The following TCF20 variants were observed in gnomAD, a reference collection of about 807,000 sequenced individuals.
The protein encoded by TCF20 is transcription factor 20.
In TCF20, 3 loss-of-function variants were observed where a neutral mutation model predicts 148.6. The observed-to-expected ratio is 0.02, with a 90% CI of 0.01 to 0.05. The LOEUF (loss-of-function observed/expected upper bound fraction) is 0.05, where lower values mean the gene tolerates loss of function less well. TCF20 is among the 10% of genes least tolerant of loss of function. The probability of loss-of-function intolerance (pLI) is 1.00; values close to 1 mark genes in which losing one functional copy is unlikely to be tolerated. For synonymous variants in TCF20, 1,049 were observed against 909.5 expected (o/e 1.15, Z -2.76); for missense variants, 2,350 against 2,429.3 (o/e 0.97, Z 0.69).
At chr22:42,169,342 G>T (rs1935981543) in intron 4 of TCF20, among the ~76,000 whole-genome samples, 1 of 151,928 alleles carries the variant, frequency 6.6e-6, no homozygotes, top group Non-Finnish European at 1.5e-5. Context: ...AAATAAACTG[G>T]GAAGTGGAGC....
chr22:42,184,984 C>T (rs1396181423), intron 2 of TCF20, among the ~76,000 whole-genome samples: 1 of 152,210 alleles, frequency 6.6e-6, no homozygotes, highest in Admixed American at 6.5e-5. Context: ...ACTGCAAGGA[C>T]TGAGTCAACT....
intron 2 of TCF20, among the ~76,000 whole-genome samples, chr22:42,193,268 C>G (rs549611146): frequency 2.7e-5 from 4 of 150,682 alleles, no homozygotes; most frequent in Non-Finnish European, 5.9e-5. Context: ...CTCAATACAT[C>G]TCCTCCTCCT....
chr22:42,164,459 G>C (rs1335195860), intron 5 of TCF20, among the ~76,000 whole-genome samples: 2 of 151,986 alleles, frequency 1.3e-5, no homozygotes, highest in Non-Finnish European at 2.9e-5. Flanking sequence ...TCGATCTCCT[G>C]ACCTCGTGAT....
At chr22:42,288,910 C>T (rs561994460), upstream of TCF20, among the ~76,000 whole-genome samples, 3 of 152,222 alleles carry the variant, frequency 2.0e-5, no homozygotes, top group Admixed American at 2.0e-4. Flanking sequence ...GACCACACTC[C>T]TCCCTCCACA....
rs908692241 is a variant in TCF20, at chr22:42,299,179, G to A, written c.-37+44300C>T. Among the ~76,000 whole-genome samples, 4 of 152,214 alleles carry A rather than the reference G, an allele frequency of 2.6e-5. No homozygotes were observed. Among genetic ancestry groups the A allele is most frequent in the Admixed American group, 1.3e-4 (2 of 15,292 alleles). On this transcript the variant is annotated intron_variant, in intron 1 of 1. Transcript: ENST00000515426. The surrounding 1 kb of genome is among the most constrained non-coding windows in gnomAD (Gnocchi z 4.1). ...GGCTTCTCTGGCCTTTAGAAGGCAC[G>A]GGAGGATGGGGGCAAGGGGGCGGTA...
At chr22:42,272,024 G>C (rs751660695), upstream of TCF20, among the ~76,000 whole-genome samples, 1 of 152,196 alleles carries the variant, frequency 6.6e-6, no homozygotes, top group Non-Finnish European at 1.5e-5. Context: ...TGTACTTGGG[G>C]AAGGCAGTGA....
chr22:42,174,520 C>T (rs1936320368), intron 3 of TCF20, among the ~76,000 whole-genome samples: 1 of 152,120 alleles, frequency 6.6e-6, no homozygotes, highest in African/African-American at 2.4e-5. Context: ...TACCCAGCTG[C>T]GAACTGGGAG....
intron 1 of TCF20, among the ~76,000 whole-genome samples, chr22:42,301,516 G>A (rs1262289654): frequency 6.6e-6 from 1 of 152,212 alleles, no homozygotes. Flanking sequence ...CAGCCAAGGA[G>A]GTGGCATGCA....
chr22:42,245,325 C>A (rs1924815300), intron 1 of TCF20, among the ~76,000 whole-genome samples: 2 of 152,076 alleles, frequency 1.3e-5, no homozygotes, highest in African/African-American at 4.8e-5. Flanking sequence ...TTCAAGTGAT[C>A]CTCCCACCTA....
intron 1 of TCF20, among the ~76,000 whole-genome samples, chr22:42,267,532 C>A (rs1926352467): frequency 6.6e-6 from 1 of 151,698 alleles, no homozygotes; most frequent in Admixed American, 6.6e-5. Context: ...GAAATCCCAT[C>A]TCTACTAAAA....
At chr22:42,173,280 T>C (rs1936243055) in intron 3 of TCF20, among the ~76,000 whole-genome samples, 1 of 149,152 alleles carries the variant, frequency 6.7e-6, no homozygotes, top group South Asian at 2.1e-4. Context: ...CTCTTATTAC[T>C]GTAACCCCCC....
intron 1 of TCF20, among the ~76,000 whole-genome samples, chr22:42,237,824 A>C (rs1201189752): frequency 6.6e-6 from 1 of 152,230 alleles, no homozygotes; most frequent in Non-Finnish European, 1.5e-5. Context: ...TTTGAGTAGT[A>C]GGTCTCAACA....
chr22:42,264,921 C>A (rs1008050194), intron 1 of TCF20, among the ~76,000 whole-genome samples: 1 of 152,242 alleles, frequency 6.6e-6, no homozygotes, highest in Admixed American at 6.5e-5. Flanking sequence ...AAACCATCTT[C>A]CAATCATACT....
intron 2 of TCF20, among the ~76,000 whole-genome samples, chr22:42,193,910 TATA>T (rs552692025): frequency 1.1e-3 from 168 of 152,278 alleles, no homozygotes; most frequent in African/African-American, 3.8e-3. Flanking sequence ...GTGGTGGTCG[TATA>T]ATAAAAGGTG....
chr22:42,320,048 C>T (rs978156799), intron 1 of TCF20, among the ~76,000 whole-genome samples: 6 of 152,194 alleles, frequency 3.9e-5, no homozygotes, highest in Admixed American at 2.0e-4. Context: ...ACTGCCATCT[C>T]GGTTCAGGAG....
At chr22:42,218,988 A>T (rs1922077559) in intron 1 of TCF20, among the ~76,000 whole-genome samples, 3 of 152,182 alleles carry the variant, frequency 2.0e-5, no homozygotes, top group Non-Finnish European at 4.4e-5. Flanking sequence ...GAGTAGGAGA[A>T]GGTGGTTGCC....
chr22:42,306,192 A>G (rs1483067305), intron 1 of TCF20, among the ~76,000 whole-genome samples: 1 of 152,260 alleles, frequency 6.6e-6, no homozygotes, highest in African/African-American at 2.4e-5. Flanking sequence ...CGCCGCTGCC[A>G]GCTCCCCGCC....
Position 42,212,146 on chromosome 22 carries a change from G to A in TCF20, c.3160C>T (p.Pro1054Ser), listed in dbSNP as rs936560546. The A allele has an allele frequency of 6.2e-7, 1 of 1,614,208 alleles. No homozygotes were observed. Among genetic ancestry groups the A allele is most frequent in the East Asian group, 2.2e-5 (1 of 44,884 alleles). Residue 1054 changes from proline to serine, a missense_variant, in exon 2 of 6, where the codon CCC becomes TCC. Around this residue, in one of 7 missense-constraint regions of TCF20, gnomAD observed 1,641 missense variants for 1,662.6 expected, o/e 0.99. Transcript: ENST00000677622. The part of the protein sequence containing the change: ...NRSSLHTPFS[P>S]NSETLASAYH... Reference sequence around the variant, plus strand: ...GCAGAGGCCAGGGTTTCTGAGTTGGGAGAAAAGGGAGTGTGTAAAGAACTC... The same window carrying A: ...GCAGAGGCCAGGGTTTCTGAGTTGGAAGAAAAGGGAGTGTGTAAAGAACTC...
rs776950914 is a variant in TCF20 at position 42,210,557 on chromosome 22, C to T, written c.4749G>A (p.Arg1583=). ...GGGCCCCAGGCTTCCTTCTCTCCCTCCTTTGCCTCTGTTTTTTTGGCTTTG... is the reference window on the plus strand; with the variant it reads ...GGGCCCCAGGCTTCCTTCTCTCCCTTCTTTGCCTCTGTTTTTTTGGCTTTG... The part of the protein sequence containing the change: ...GEPKPKKQRQ[R]RERRKPGAQP... The change falls in exon 2 of 6, where the codon AGG becomes AGA. Residue 1583 remains arginine, a synonymous_variant. Coordinates refer to ENST00000677622, the MANE Select transcript of TCF20 (RefSeq NM_001378418.1). This position sits in a 1 kb window ranked among gnomAD's most constrained non-coding sequence, Gnocchi z 4.7. The T allele has an allele frequency of 1.2e-6, 2 of 1,614,190 alleles. No homozygotes were observed. The highest frequency in any genetic ancestry group is 1.7e-6 in the Non-Finnish European group (2 of 1,180,042).
Sources: allele counts gnomAD v4.1 joint callset (sites outside exome capture counted in the v4.1 genomes callset), GRCh38; gene constraint gnomAD v4.1.1; regional missense constraint gnomAD v4.1.1; non-coding constraint Gnocchi (gnomAD v3.1); transcripts MANE v1.5; gene names NCBI Gene and HGNC (gene_info 2026-07-23, HGNC 2026-07-21).